The following ANXA8 variants were observed in gnomAD, a reference collection of about 807,000 sequenced individuals.
ANXA8 encodes VAC-beta.
Under a neutral mutation model 26.8 loss-of-function variants are expected in ANXA8, and 9 were observed. That is an observed-to-expected ratio of 0.34 (90% CI 0.20 to 0.59). ANXA8 has a LOEUF of 0.59. Ranked by LOEUF, ANXA8 falls within the 20% of genes least tolerant of loss-of-function variation. The pLI, the probability that ANXA8 is intolerant of heterozygous loss-of-function variation, is 0.84. For synonymous variants in ANXA8, 39 were observed against 94.8 expected, an observed-to-expected ratio of 0.41 and a Z score of 3.42; for missense variants, 83 against 238.5, an observed-to-expected ratio of 0.35 and a Z score of 4.29.
At chr10:47,733,121 A>T in the ANXA8 span, among the ~76,000 whole-genome samples, 1 of 150,890 alleles carries the variant, frequency 6.6e-6, no homozygotes, top group South Asian at 2.1e-4. Context: ...GGCCTAAATT[A>T]CCTGGTTACC....
the ANXA8 span, among the ~76,000 whole-genome samples, chr10:47,916,670 T>C: frequency 7.3e-6 from 1 of 136,412 alleles, no homozygotes; most frequent in Non-Finnish European, 1.7e-5. Flanking sequence ...GCAAGGGAGC[T>C]GTTTGCTGCT....
chr10:47,920,990 C>T, the ANXA8 span: 2 of 109,076 alleles, frequency 1.8e-5, no homozygotes, highest in African/African-American at 6.9e-5. Flanking sequence ...TAAATTCCAA[C>T]TCAGTCTTGG....
At chr10:47,705,020 CT>C in the ANXA8 span, among the ~76,000 whole-genome samples, 1 of 152,064 alleles carries the variant, frequency 6.6e-6, no homozygotes, top group Admixed American at 6.5e-5. Context: ...AATGCCAGCA[CT>C]TTGGGAGGCC....
intron 6 of ANXA8, among the ~76,000 whole-genome samples, chr10:47,475,265 C>T (rs1277082545): frequency 2.0e-5 from 3 of 149,572 alleles, no homozygotes; most frequent in Non-Finnish European, 3.0e-5. Context: ...GAAGGACCTG[C>T]TCTCCTCCCG....
At chr10:47,637,341 G>C in the ANXA8 span, among the ~76,000 whole-genome samples, 1 of 148,722 alleles carries the variant, frequency 6.7e-6, no homozygotes, top group Non-Finnish European at 1.5e-5. Flanking sequence ...TGTTATAAAT[G>C]AATTTCAAAG....
the ANXA8 span, among the ~76,000 whole-genome samples, chr10:47,726,467 C>T: frequency 6.6e-6 from 1 of 151,914 alleles, no homozygotes; most frequent in African/African-American, 2.4e-5. Flanking sequence ...ATATGCAAAA[C>T]AGTTTATTTC....
chr10:47,687,320 G>C, the ANXA8 span, among the ~76,000 whole-genome samples: 1 of 150,854 alleles, frequency 6.6e-6, no homozygotes, highest in East Asian at 2.0e-4. Flanking sequence ...TGGAGTGCTG[G>C]AGTGCAGTGG....
chr10:47,510,894 T>A, the ANXA8 span, among the ~76,000 whole-genome samples: 1 of 128,128 alleles, frequency 7.8e-6, no homozygotes, highest in Non-Finnish European at 1.6e-5. Flanking sequence ...TCTACAGCAA[T>A]AAAAAGCAGC....
chr10:47,503,082 T>C, the ANXA8 span: 1 of 1,611,640 alleles, frequency 6.2e-7, no homozygotes, highest in South Asian at 1.1e-5. Context: ...CACAGGCTGA[T>C]GTGGCTAGGG....
the ANXA8 span, among the ~76,000 whole-genome samples, chr10:47,657,983 G>A: frequency 6.6e-6 from 1 of 151,790 alleles, no homozygotes; most frequent in East Asian, 1.9e-4. Context: ...ACCTTCAGAA[G>A]CTTCATAGAA....
the ANXA8 span, among the ~76,000 whole-genome samples, chr10:47,954,152 A>G: frequency 6.6e-6 from 1 of 150,610 alleles, no homozygotes; most frequent in African/African-American, 2.5e-5. Context: ...ATTGTTCAAC[A>G]ATAGACAAAT....
chr10:47,976,421 T>A, the ANXA8 span, among the ~76,000 whole-genome samples: 1 of 151,494 alleles, frequency 6.6e-6, no homozygotes, highest in African/African-American at 2.4e-5. Context: ...AACATAAATG[T>A]TCTCAGCTAG....
chr10:47,691,614 A>C, the ANXA8 span, among the ~76,000 whole-genome samples: 1,122 of 150,216 alleles, frequency 7.5e-3, 7 homozygotes, highest in African/African-American at 0.027. Context: ...TCTACAAAAA[A>C]TAAATTAAGT....
At chr10:47,622,984 C>T in the ANXA8 span, among the ~76,000 whole-genome samples, 12 of 113,116 alleles carry the variant, frequency 1.1e-4, 3 homozygotes. Context: ...GCATTCTGCT[C>T]CTCTGAGTCA....
the ANXA8 span, among the ~76,000 whole-genome samples, chr10:47,628,259 A>G: frequency 1.3e-5 from 2 of 152,102 alleles, no homozygotes; most frequent in Non-Finnish European, 1.5e-5. Flanking sequence ...TGTTCTCTTA[A>G]AGAAAAAGAC....
At chr10:47,633,885 G>A in the ANXA8 span, among the ~76,000 whole-genome samples, 1 of 144,522 alleles carries the variant, frequency 6.9e-6, no homozygotes, top group Non-Finnish European at 1.5e-5. Flanking sequence ...TTTAAAGCAA[G>A]GCACTGAAAA....
the ANXA8 span, among the ~76,000 whole-genome samples, chr10:47,936,766 T>A: frequency 6.6e-6 from 1 of 150,664 alleles, no homozygotes; most frequent in Non-Finnish European, 1.5e-5. Context: ...AGGTCCGGGG[T>A]CGCTCTCCTG....
At chr10:47,719,948 C>T in the ANXA8 span, 7 of 1,372,960 alleles carry the variant, frequency 5.1e-6, 1 homozygote, top group Non-Finnish European at 7.1e-6. Context: ...CTCTTCCCAA[C>T]ATCATATATA....
the ANXA8 span, among the ~76,000 whole-genome samples, chr10:47,625,751 T>C: frequency 4.0e-5 from 6 of 151,600 alleles, no homozygotes; most frequent in Non-Finnish European, 7.4e-5. Context: ...ATCTACTCTA[T>C]TGGCAATTTT....
Sources: gnomAD v4.1 joint callset for allele counts (sites outside exome capture counted in the v4.1 genomes callset) on GRCh38, gnomAD v4.1.1 for gene constraint, MANE v1.5 for transcripts, NCBI Gene and HGNC (gene_info 2026-07-23, HGNC 2026-07-21) for gene names.